The following PDGFB variants were observed in gnomAD, a reference collection of about 807,000 sequenced individuals.
PDGFB encodes the protein platelet-derived growth factor subunit B.
PDGFB carries 6 observed loss-of-function variants against 29.0 expected under a neutral mutation model. The observed-to-expected ratio is 0.21, with a 90% CI of 0.11 to 0.41. PDGFB has a LOEUF of 0.41. Ranked by LOEUF, PDGFB falls within the 10% of genes least tolerant of loss-of-function variation. PDGFB has a pLI of 1.00. For synonymous variants in PDGFB, 144 were observed against 140.8 expected (o/e 1.02, Z -0.16); for missense variants, 299 against 341.8 (o/e 0.87, Z 0.99).
At position 39,231,808 on chromosome 22, in the gene PDGFB, C is replaced by T. The variant is rs766654627; in HGVS notation, c.270G>A (p.Glu90=). The T allele has an allele frequency of 4.5e-5, 72 of 1,613,226 alleles. No individual in the cohort carries two copies. The Middle Eastern group carries it at 6.6e-4, about 15-fold the overall frequency. ...RRSLGSLTIA[E]PAMIAECKTR... ...TCTTGCACTCGGCGATCATGGCCGG[C>T]TCAGCAATGGTCAGGGAACCTGGGA... Residue 90 remains glutamate (E), a synonymous_variant, in exon 4 of 7, where the codon GAG becomes GAA. Transcript: ENST00000331163. The surrounding 1 kb of genome is among the most constrained non-coding windows in gnomAD (Gnocchi z 4.3).
intron 3 of PDGFB, 121 bp downstream of exon 3, chr22:39,233,314 G>A (rs763699488): frequency 9.1e-6 from 6 of 659,788 alleles, no homozygotes; most frequent in African/African-American, 1.9e-5. Flanking sequence ...AGTCCTGAAT[G>A]TGGGGGGAAC....
rs1932314160 is a variant in PDGFB, at chr22:39,231,801, T to C, written c.277A>G (p.Met93Val). 1.2e-6 allele frequency: 2 copies of C among 1,613,538 alleles called. No individual in the cohort carries two copies. Among genetic ancestry groups the C allele is most frequent in the Non-Finnish European group, 1.7e-6 (2 of 1,179,902 alleles). ...GTGCGCGTCTTGCACTCGGCGATCA[T>C]GGCCGGCTCAGCAATGGTCAGGGAA... ...LGSLTIAEPA[M>V]IAECKTRTEV... The change falls in exon 4 of 7, where the codon ATG (methionine) becomes GTG (valine). Residue 93 changes from methionine (M) to valine (V), a missense_variant. Transcript: ENST00000331163. The surrounding 1 kb of genome is among the most constrained non-coding windows in gnomAD (Gnocchi z 4.3).
intron 1 of PDGFB, among the ~76,000 whole-genome samples, chr22:39,239,640 C>A (rs147725644): frequency 6.6e-6 from 1 of 152,144 alleles, no homozygotes; most frequent in Admixed American, 6.5e-5. Context: ...ATCTCAGGCC[C>A]GGGGTTTCTG....
chr22:39,238,053 G>A (rs1428821959), intron 1 of PDGFB, among the ~76,000 whole-genome samples: 2 of 152,160 alleles, frequency 1.3e-5, no homozygotes, highest in East Asian at 3.8e-4. Context: ...CTGCCCACTG[G>A]AGAGCCGGCT....
intron 5 of PDGFB, among the ~76,000 whole-genome samples, chr22:39,228,893 A>AAAAAAATATATATAT (rs1184799325): frequency 1.0e-3 from 136 of 132,608 alleles, no homozygotes; most frequent in Non-Finnish European, 1.8e-3. Context: ...CCTCAAAAAA[A>AAAAAAATATATATAT]ATATATATAT....
In PDGFB at chr22:39,230,507, TGGGGCCTGC is replaced by T. The variant is rs527256597; in HGVS notation, c.457-288_457-280del. On this transcript the variant is annotated intron_variant, in intron 4 of 6. Coordinates refer to ENST00000331163, the MANE Select transcript of PDGFB (RefSeq NM_002608.4). ...CCAGAAAGGCATTTCCGGGTTGAGC[TGGGGCCTGC>T]GGTATCCTCATTCCCGGAGCGCCAG... Among the ~76,000 whole-genome samples the T allele has an allele frequency of 2.0e-5, 3 of 152,346 alleles. No individual in the cohort carries two copies. The East Asian group carries it at 5.8e-4, about 29-fold the overall frequency.
At chr22:39,233,369 C>T (rs913897557) in intron 3 of PDGFB, 66 bp downstream of exon 3, 6 of 1,260,660 alleles carry the variant, frequency 4.8e-6, no homozygotes, top group East Asian at 2.6e-5. Flanking sequence ...TGGCTGCCCG[C>T]CCCCGTTCTC....
chr22:39,242,839 T>A lies in PDGFB; in HGVS notation c.63+1062A>T. 2 of 231,712 alleles carry A rather than the reference T, an allele frequency of 8.6e-6. No homozygotes were observed. Among genetic ancestry groups the A allele is most frequent in the Non-Finnish European group, 1.7e-5 (2 of 117,158 alleles). 14.4% of individuals were successfully genotyped at this position (231,712 alleles called of 1,614,324 possible). ...ACTCCCGGCCGCAGCCGGGCGGAGG[T>A]GGGACGGTACCCAGTCACGCCGCGC... On this transcript the variant is annotated intron_variant, in intron 1 of 6. Coordinates refer to ENST00000331163, the MANE Select transcript of PDGFB (RefSeq NM_002608.4). This position sits in a 1 kb window ranked among gnomAD's most constrained non-coding sequence, Gnocchi z 5.7.
At chr22:39,232,820 A>G (rs1932342709) in intron 3 of PDGFB, among the ~76,000 whole-genome samples, 1 of 152,162 alleles carries the variant, frequency 6.6e-6, no homozygotes, top group African/African-American at 2.4e-5. Context: ...TCGTTCCCCC[A>G]GCCTCTAACT....
At position 39,225,249 on chromosome 22, in the gene PDGFB, G is replaced by A. The variant is rs1463018902; in HGVS notation, c.*93C>T. The A allele has an allele frequency of 1.3e-5, 2 of 152,854 alleles. No homozygotes were observed. Among genetic ancestry groups the A allele is most frequent in the African/African-American group, 4.8e-5 (2 of 41,322 alleles). The allele number at this position is 152,854 out of a possible 1,614,324, so 9.5% of individuals were successfully genotyped here. A position where few individuals can be genotyped will look rare whatever the true frequency, so the allele number is the denominator to read the frequency against. On this transcript the variant is annotated 3_prime_UTR_variant, in exon 7 of 7. Coordinates refer to ENST00000331163, the MANE Select transcript of PDGFB (RefSeq NM_002608.4). ...TCAGGCATCGAGACAGACGGACGAG[G>A]GAAACAATATTATCACTCCAAGGAC...
In PDGFB at chr22:39,242,591, G is replaced by A. The variant is rs1429299549; in HGVS notation, c.63+1310C>T. 6.6e-6 allele frequency among the ~76,000 whole-genome samples: 1 copy of A among 151,394 alleles called. No individual in the cohort carries two copies. The highest frequency in any genetic ancestry group is 1.5e-5 in the Non-Finnish European group (1 of 67,748). On this transcript the variant is annotated intron_variant, in intron 1 of 6. Transcript: ENST00000331163. The surrounding 1 kb of genome is among the most constrained non-coding windows in gnomAD (Gnocchi z 5.7). ...CGGCCGCGGAAGGGCGGGGCCCCCG[G>A]GCGGGCGGCCTGCGGCCCTCGAGGA...
rs561097870 is a variant in PDGFB at position 39,225,170 on chromosome 22, G to A, written c.*172C>T. 2.0e-5 allele frequency: 3 copies of A among 152,860 alleles called. No individual in the cohort carries two copies. The East Asian group carries it at 5.7e-4, about 29-fold the overall frequency. The allele number at this position is 152,860 out of a possible 1,614,324, so 9.5% of individuals were successfully genotyped here. ...GGCCGCTGGGAGGAGACCCGCTGAT[G>A]GAAGGGTGGACGGACACGTGGAGGG... On this transcript the variant is annotated 3_prime_UTR_variant, in exon 7 of 7. Transcript: ENST00000331163.
intron 2 of PDGFB, among the ~76,000 whole-genome samples, chr22:39,235,240 T>C (rs1456646022): frequency 1.3e-5 from 2 of 152,038 alleles, no homozygotes; most frequent in Non-Finnish European, 2.9e-5. Context: ...TAGAATAGAA[T>C]GGAATTTGCT....
chr22:39,225,635 A>G, intron 6 of PDGFB, 60 bp downstream of exon 6: 9 of 1,485,276 alleles, frequency 6.1e-6, no homozygotes, highest in Non-Finnish European at 8.2e-6. Flanking sequence ...GACCCCATCC[A>G]CAGACCACAG....
rs1932317454 is a variant in PDGFB, at chr22:39,231,877, C to T, written c.251-50G>A. On this transcript the variant is annotated intron_variant, in intron 3 of 6. Transcript: ENST00000331163. The surrounding 1 kb of genome is among the most constrained non-coding windows in gnomAD (Gnocchi z 4.3). The stretch of plus-strand genomic sequence containing the variant: ...AGGAGCGTAGGCCTGTCCAGAGTCC[C>T]CCCACTTGGCAGGGGAGCTCAGCGG... 1.3e-6 allele frequency: 2 copies of T among 1,529,404 alleles called. No individual in the cohort carries two copies. Among genetic ancestry groups the T allele is most frequent in the African/African-American group, 1.4e-5 (1 of 73,240 alleles). The allele number at this position is 1,529,404 out of a possible 1,614,324, so 94.7% of individuals were successfully genotyped here. A position where few individuals can be genotyped will look rare whatever the true frequency, so the allele number is the denominator to read the frequency against.
chr22:39,240,786 AG>A, intron 1 of PDGFB: 2 of 1,549,152 alleles, frequency 1.3e-6, no homozygotes, highest in Non-Finnish European at 1.8e-6. Flanking sequence ...ACCAGAACAT[AG>A]GAAGAGTTGT....
In PDGFB at chr22:39,244,519, G is replaced by T. The variant is rs1042500163; in HGVS notation, c.-556C>A. Reference sequence around the variant, plus strand: ...TTGCAACGGCAGCTCGAGCACCCGGGCAGGGAGAGGTGCAAACTCCCGCCC... The same window carrying T: ...TTGCAACGGCAGCTCGAGCACCCGGTCAGGGAGAGGTGCAAACTCCCGCCC... On this transcript the variant is annotated 5_prime_UTR_variant, in exon 1 of 7. Coordinates refer to ENST00000331163, the MANE Select transcript of PDGFB (RefSeq NM_002608.4). This position sits in a 1 kb window ranked among gnomAD's most constrained non-coding sequence, Gnocchi z 4.5. 2.9e-5 allele frequency: 5 copies of T among 172,058 alleles called. No individual in the cohort carries two copies. The highest frequency in any genetic ancestry group is 5.0e-5 in the Non-Finnish European group (4 of 79,430). 10.7% of individuals were successfully genotyped at this position (172,058 alleles called of 1,614,324 possible).
intron 4 of PDGFB, 91 bp from the exon 5 acceptor site, chr22:39,230,319 C>T: frequency 7.6e-7 from 1 of 1,314,394 alleles, no homozygotes; most frequent in Non-Finnish European, 1.1e-6. Flanking sequence ...ACCCCGGTGT[C>T]CCCTGCAGCA....
chr22:39,228,415 C>T (rs935706906), intron 5 of PDGFB, among the ~76,000 whole-genome samples: 2 of 151,760 alleles, frequency 1.3e-5, no homozygotes, highest in Non-Finnish European at 2.9e-5. Context: ...GAATCAAGAC[C>T]TCATCTCTAC....
Sources: allele counts gnomAD v4.1 joint callset (sites outside exome capture counted in the v4.1 genomes callset), GRCh38; gene constraint gnomAD v4.1.1; non-coding constraint Gnocchi (gnomAD v3.1); transcripts MANE v1.5; gene names NCBI Gene and HGNC (gene_info 2026-07-23, HGNC 2026-07-21).